CUX1: variants seen among roughly 807,000 people sequenced by gnomAD.
The protein encoded by CUX1 is cut like homeobox 1.
Under a neutral mutation model 158.8 loss-of-function variants are expected in CUX1, and 31 were observed. The observed-to-expected ratio is 0.20, with a 90% CI of 0.15 to 0.26. The LOEUF is 0.26. Ranked by LOEUF, CUX1 falls within the 10% of genes least tolerant of loss-of-function variation. The pLI, the probability that CUX1 is intolerant of heterozygous loss-of-function variation, is 1.00. For missense variants in CUX1, 1,589 were observed against 2,014.6 expected, an observed-to-expected ratio of 0.79 and a Z score of 4.04; for synonymous variants, 879 against 862.1, an observed-to-expected ratio of 1.02 and a Z score of -0.34.
intron 21 of CUX1, among the ~76,000 whole-genome samples, chr7:102,229,385 C>T (rs1798713149): frequency 6.6e-6 from 1 of 151,254 alleles, no homozygotes; most frequent in Non-Finnish European, 1.5e-5. Flanking sequence ...TTACTACAGC[C>T]TCTCGGCTCA....
At position 102,253,413 on chromosome 7, in the gene CUX1, G is replaced by A. The variant is rs1801733594; in HGVS notation, c.*4371G>A. 4.1e-6 allele frequency: 4 copies of A among 985,450 alleles called. No homozygotes were observed. Among genetic ancestry groups the A allele is most frequent in the Non-Finnish European group, 4.8e-6 (4 of 829,950 alleles). 61.0% of individuals were successfully genotyped at this position (985,450 alleles called of 1,614,324 possible). A position where few individuals can be genotyped will look rare whatever the true frequency, so the allele number is the denominator to read the frequency against. On this transcript the variant is annotated 3_prime_UTR_variant, in exon 24 of 24. Coordinates refer to ENST00000292535, the MANE Select transcript of CUX1 (RefSeq NM_181552.4). ...ACAGCCAGGCCCTAAAAAGAGAGGG[G>A]AACAGGAGTCCCCAGGTGAGCTCTC...
intron 1 of CUX1, among the ~76,000 whole-genome samples, chr7:101,867,683 C>T (rs956828037): frequency 6.6e-6 from 1 of 152,208 alleles, no homozygotes; most frequent in African/African-American, 2.4e-5. Flanking sequence ...GGTAAGCAAC[C>T]TGATGTTTCA....
In CUX1 at chr7:102,178,629, A is replaced by C; in HGVS notation, c.989A>C (p.Gln330Pro). The C allele has an allele frequency of 6.2e-7, 1 of 1,610,694 alleles. No homozygotes were observed. Among genetic ancestry groups the C allele is most frequent in the Non-Finnish European group, 8.5e-7 (1 of 1,178,392 alleles). ...AGCCAGATCTCACAGCTTGAGCAGC[A>C]GCTGAGCGCCAAAAACAGCACACTC... The part of the protein sequence containing the change: ...SASQISQLEQ[Q>P]LSAKNSTLKQ... The change falls in exon 11 of 24, where the codon CAG becomes CCG. Residue 330 changes from glutamine (Q) to proline (P), a missense_variant. Transcript: ENST00000292535.
intron 6 of CUX1, among the ~76,000 whole-genome samples, chr7:102,110,470 A>T (rs1242197451): frequency 6.6e-6 from 1 of 152,204 alleles, no homozygotes; most frequent in Non-Finnish European, 1.5e-5. Flanking sequence ...GTGTTAGTTC[A>T]TGTTACGCTC....
chr7:102,025,552 C>T (rs1218553261), intron 2 of CUX1, among the ~76,000 whole-genome samples: 16 of 151,916 alleles, frequency 1.1e-4, no homozygotes, highest in Non-Finnish European at 5.9e-5. Context: ...CCCTTGAACC[C>T]GGGAGGTGGA....
chr7:102,201,251 G>T lies in CUX1; in HGVS notation c.2063-109G>T. On this transcript the variant is annotated intron_variant, in intron 17 of 23. Coordinates refer to ENST00000292535, the MANE Select transcript of CUX1 (RefSeq NM_181552.4). The surrounding 1 kb of genome is among the most constrained non-coding windows in gnomAD (Gnocchi z 5.0). ...CCATGCTGGGGAAATACACAGTGTG[G>T]TTCTCCCAAATAACCCACACTTTGC... is the stretch of plus-strand genomic sequence containing the variant. 2.0e-6 allele frequency: 3 copies of T among 1,473,210 alleles called. No individual in the cohort carries two copies. Among genetic ancestry groups the T allele is most frequent in the Non-Finnish European group, 2.7e-6 (3 of 1,091,332 alleles). The allele number at this position is 1,473,210 out of a possible 1,614,324, so 91.3% of individuals were successfully genotyped here. A position where few individuals can be genotyped will look rare whatever the true frequency, so the allele number is the denominator to read the frequency against.
At chr7:102,191,447 G>T (rs1462605614) in intron 12 of CUX1, among the ~76,000 whole-genome samples, 6 of 152,010 alleles carry the variant, frequency 3.9e-5, no homozygotes, top group African/African-American at 1.4e-4. Context: ...TGGTCAGGCT[G>T]GTCTCAATCT....
At chr7:101,937,818 A>G (rs1807130715) in intron 2 of CUX1, among the ~76,000 whole-genome samples, 1 of 152,020 alleles carries the variant, frequency 6.6e-6, no homozygotes, top group African/African-American at 2.4e-5. Context: ...CAGCCTAATG[A>G]TATAAATATT....
intron 2 of CUX1, among the ~76,000 whole-genome samples, chr7:101,992,612 C>T (rs1188091401): frequency 6.6e-6 from 1 of 152,162 alleles, no homozygotes; most frequent in East Asian, 1.9e-4. Flanking sequence ...AGCCGTATTA[C>T]CCAGAGGGTG....
intron 18 of CUX1, chr7:102,279,949 T>G: frequency 7.3e-6 from 6 of 821,574 alleles, no homozygotes; most frequent in South Asian, 7.0e-5. Flanking sequence ...TTTTTGCAGA[T>G]GAGGAAACTG....
intron 20 of CUX1, among the ~76,000 whole-genome samples, chr7:102,222,183 T>G (rs1797871586): frequency 6.6e-6 from 1 of 151,950 alleles, no homozygotes; most frequent in Admixed American, 6.6e-5. Context: ...GAGGCTAAAG[T>G]GGGAGGGTCT....
In CUX1 at chr7:102,281,129, A is replaced by G. The variant is rs576105187; in HGVS notation, c.1821+269A>G. ...CATGGTGGCTCACACCTGTCATCCC[A>G]GCACTTTGGGAGGTGGGAGGATTGC... On this transcript the variant is annotated intron_variant, in intron 20 of 22. Transcript: ENST00000292538. Among the ~76,000 whole-genome samples, 18 of 152,318 alleles carry G rather than the reference A, an allele frequency of 1.2e-4. No individual in the cohort carries two copies. In the South Asian group the frequency reaches 3.7e-3, roughly 32 times the overall value.
In CUX1 at chr7:102,009,534, C is replaced by T. The variant is rs564865356; in HGVS notation, c.142-18564C>T. ...TCTCGAACTCCTGACCTCAAGTGAT[C>T]CTCCCGCCTTGGCCTCCCAAAGTGT... is the stretch of plus-strand genomic sequence containing the variant. On this transcript the variant is annotated intron_variant, in intron 2 of 23. Coordinates refer to ENST00000292535, the MANE Select transcript of CUX1 (RefSeq NM_181552.4). Among the ~76,000 whole-genome samples the T allele has an allele frequency of 2.8e-4, 42 of 152,346 alleles. 1 individual carries two copies. The highest frequency in any genetic ancestry group is 7.2e-4 in the Admixed American group (11 of 15,296).
Position 102,170,482 on chromosome 7 carries a change from AG to A in CUX1, c.763del (p.Glu255AsnfsTer26). The A allele has an allele frequency of 6.3e-7, 1 of 1,593,362 alleles. No homozygotes were observed. ...GGCTCAGAGAGAGGCGGAGACCTTA[AG>A]GGAACAGCTCTCATCGGCCAATCAC... is the stretch of plus-strand genomic sequence containing the variant. ...EVAQREAETLREQLSSANHSL... is the reference protein window; with the variant it reads ...EVAQREAETLXEQLSSANHSL... On this transcript the variant is annotated frameshift_variant, in exon 10 of 24. Transcript: ENST00000292535. LOFTEE classifies it high-confidence loss of function.
intron 20 of CUX1, among the ~76,000 whole-genome samples, chr7:102,215,983 C>G (rs1253853886): frequency 1.3e-5 from 2 of 152,206 alleles, no homozygotes; most frequent in African/African-American, 4.8e-5. Flanking sequence ...GGCTGCAGGC[C>G]TGGAAGACTC....
intron 1 of CUX1, among the ~76,000 whole-genome samples, chr7:101,851,232 C>T (rs896695041): frequency 2.0e-5 from 3 of 152,192 alleles, no homozygotes; most frequent in African/African-American, 4.8e-5. Flanking sequence ...ATTCTTTGTA[C>T]ACTACTTAAT....
chr7:102,227,219 T>A, intron 20 of CUX1, 148 bp from the exon 21 acceptor site: 1 of 691,800 alleles, frequency 1.4e-6, no homozygotes, highest in Non-Finnish European at 2.4e-6. Context: ...CAAAAAAATA[T>A]GAAACAGTTC....
At chr7:101,899,275 G>A (rs1274965262) in intron 1 of CUX1, among the ~76,000 whole-genome samples, 1 of 152,172 alleles carries the variant, frequency 6.6e-6, no homozygotes, top group Non-Finnish European at 1.5e-5. Context: ...GAGGCTGGGC[G>A]CAGTGGCTCA....
At chr7:101,999,665 C>T (rs952048278) in intron 2 of CUX1, among the ~76,000 whole-genome samples, 1 of 152,240 alleles carries the variant, frequency 6.6e-6, no homozygotes, top group Admixed American at 6.5e-5. Context: ...GGCTCGTCTG[C>T]AGCAGGGCCG....
Sources: gnomAD v4.1 joint callset for allele counts (sites outside exome capture counted in the v4.1 genomes callset) on GRCh38, gnomAD v4.1.1 for gene constraint, Gnocchi (gnomAD v3.1) non-coding constraint, MANE v1.5 for transcripts, NCBI Gene and HGNC (gene_info 2026-07-23, HGNC 2026-07-21) for gene names.